The following UBASH3B variants were observed in gnomAD, a reference collection of about 807,000 sequenced individuals.
UBASH3B encodes ubiquitin-associated and SH3 domain-containing protein B.
UBASH3B carries 37 observed loss-of-function variants against 83.4 expected under a neutral mutation model. The observed-to-expected ratio is 0.44, with a 90% confidence interval of 0.34 to 0.58. UBASH3B has a LOEUF of 0.58. Among genes scored for constraint, UBASH3B ranks in the 20% least tolerant of loss-of-function variants. The probability of loss-of-function intolerance (pLI) is 0.01; values close to 1 mark genes in which losing one functional copy is unlikely to be tolerated. For synonymous variants in UBASH3B, 304 were observed against 318.3 expected (o/e 0.96, Z 0.48); for missense variants, 657 against 827.2 (o/e 0.79, Z 2.52).
At chr11:122,774,279 T>C in intron 1 of UBASH3B, 5 of 985,462 alleles carry the variant, frequency 5.1e-6, no homozygotes, top group Non-Finnish European at 6.0e-6. Context: ...TAGGCTTGCC[T>C]TTTACAGTGC....
In UBASH3B at chr11:122,812,390, AAAAG is replaced by A. The variant is rs1861465271; in HGVS notation, c.*2510_*2513del. Reference sequence around the variant, plus strand: ...AAATCATGTGGCATCTATGTATAATAAAAGAAAGAGACAACTATATTACTCAATT... The same window carrying A: ...AAATCATGTGGCATCTATGTATAATAAAAGAGACAACTATATTACTCAATT... On this transcript the variant is annotated 3_prime_UTR_variant, in exon 14 of 14. Coordinates refer to ENST00000284273, the MANE Select transcript of UBASH3B (RefSeq NM_032873.5). 1.3e-5 allele frequency: 2 copies of A among 152,236 alleles called. No homozygotes were observed. The highest frequency in any genetic ancestry group is 2.9e-5 in the Non-Finnish European group (2 of 68,038). 9.4% of individuals were successfully genotyped at this position (152,236 alleles called of 1,614,324 possible). A position where few individuals can be genotyped will look rare whatever the true frequency, so the allele number is the denominator to read the frequency against.
chr11:122,803,890 G>A (rs148177331), intron 11 of UBASH3B, among the ~76,000 whole-genome samples: 99 of 152,190 alleles, frequency 6.5e-4, no homozygotes, highest in African/African-American at 2.3e-3. Context: ...ACAGTACAGG[G>A]CCTGCAGGTG....
chr11:122,682,163 C>T lies in UBASH3B; in HGVS notation c.161+25953C>T, dbSNP rs1393274047. Among the ~76,000 whole-genome samples, 8 of 152,176 alleles carry T rather than the reference C, an allele frequency of 5.3e-5. No homozygotes were observed. In the South Asian group the frequency reaches 6.2e-4, roughly 12 times the overall value. ...CGTAGTACCCTGCCAACCCTGCCGA[C>T]GCACCATGAGGCCTTGGACAAATTG... On this transcript the variant is annotated intron_variant, in intron 1 of 13. Coordinates refer to ENST00000284273, the MANE Select transcript of UBASH3B (RefSeq NM_032873.5).
rs144242792 is a variant in UBASH3B at position 122,796,688 on chromosome 11, G to A, written c.1235-223G>A. ...AAAGTGCCTGGTTATTACCTTCACT[G>A]AGAAACTACCTCATGTCACTTTTGT... On this transcript the variant is annotated intron_variant, in intron 8 of 13. Coordinates refer to ENST00000284273, the MANE Select transcript of UBASH3B (RefSeq NM_032873.5). Among the ~76,000 whole-genome samples, 11 of 152,274 alleles carry A rather than the reference G, an allele frequency of 7.2e-5. No individual in the cohort carries two copies. The East Asian group carries it at 1.7e-3, about 24-fold the overall frequency.
At position 122,655,973 on chromosome 11, in the gene UBASH3B, G is replaced by C; in HGVS notation, c.-77G>C. On this transcript the variant is annotated 5_prime_UTR_variant, in exon 1 of 14. Transcript: ENST00000284273. ...TCTGGGTCCCCGAGCCCCCTCCCCT[G>C]GCCCAGCCCGACTCCCTCCTCCTTC... 15 of 1,311,348 alleles carry C rather than the reference G, an allele frequency of 1.1e-5. No individual in the cohort carries two copies. The highest frequency in any genetic ancestry group is 9.6e-5 in the South Asian group (5 of 52,114). 81.2% of individuals were successfully genotyped at this position (1,311,348 alleles called of 1,614,324 possible). A position where few individuals can be genotyped will look rare whatever the true frequency, so the allele number is the denominator to read the frequency against.
chr11:122,783,881 T>C (rs906072381), intron 5 of UBASH3B, among the ~76,000 whole-genome samples: 1 of 151,964 alleles, frequency 6.6e-6, no homozygotes, highest in African/African-American at 2.4e-5. Flanking sequence ...CACCCTTCCT[T>C]TGAGGGAATC....
At chr11:122,745,970 CTTTGT>C (rs1331386002) in intron 1 of UBASH3B, among the ~76,000 whole-genome samples, 1 of 152,230 alleles carries the variant, frequency 6.6e-6, no homozygotes, top group East Asian at 1.9e-4. Context: ...AGGCCAGAGA[CTTTGT>C]TTTGTCTATC....
At chr11:122,694,934 A>C (rs1359456105) in intron 1 of UBASH3B, among the ~76,000 whole-genome samples, 3 of 50,468 alleles carry the variant, frequency 5.9e-5, no homozygotes, top group Non-Finnish European at 4.3e-5. Flanking sequence ...TATTTTATTT[A>C]TTTTTCTTTT....
At chr11:122,703,862 A>G (rs1380365108) in intron 1 of UBASH3B, among the ~76,000 whole-genome samples, 1 of 152,234 alleles carries the variant, frequency 6.6e-6, no homozygotes, top group East Asian at 1.9e-4. Flanking sequence ...AGGTGATGGC[A>G]TAAGCCGGGG....
At chr11:122,712,338 G>A (rs897211168) in intron 1 of UBASH3B, among the ~76,000 whole-genome samples, 3 of 152,172 alleles carry the variant, frequency 2.0e-5, no homozygotes, top group Non-Finnish European at 2.9e-5. Context: ...TGAAGCTCCA[G>A]CATGAGGAGG....
intron 1 of UBASH3B, among the ~76,000 whole-genome samples, chr11:122,709,942 A>C (rs527731049): frequency 9.1e-4 from 138 of 152,226 alleles, no homozygotes; most frequent in African/African-American, 3.2e-3. Context: ...AGATCACTTG[A>C]GGCCAGGAGT....
At chr11:122,679,120 A>C (rs142277466) in intron 1 of UBASH3B, among the ~76,000 whole-genome samples, 155 of 152,244 alleles carry the variant, frequency 1.0e-3, no homozygotes, top group Middle Eastern at 3.4e-3. Context: ...GATCCACTCT[A>C]AGGAGGTGCC....
intron 1 of UBASH3B, among the ~76,000 whole-genome samples, chr11:122,755,261 A>G (rs1049462517): frequency 1.3e-5 from 2 of 152,304 alleles, no homozygotes; most frequent in South Asian, 4.1e-4. Flanking sequence ...CATGAGCACA[A>G]GGACGTGCAG....
At chr11:122,692,217 CA>C (rs1863905986) in intron 1 of UBASH3B, among the ~76,000 whole-genome samples, 1 of 152,082 alleles carries the variant, frequency 6.6e-6, no homozygotes, top group Non-Finnish European at 1.5e-5. Context: ...CCATATAAGT[CA>C]GCAATAAATT....
chr11:122,681,734 A>G (rs1205747136), intron 1 of UBASH3B, among the ~76,000 whole-genome samples: 1 of 152,080 alleles, frequency 6.6e-6, no homozygotes, highest in Non-Finnish European at 1.5e-5. Context: ...ATGCAAACCC[A>G]CATGCTTACC....
At chr11:122,698,919 C>T (rs1226034348) in intron 1 of UBASH3B, among the ~76,000 whole-genome samples, 2 of 152,158 alleles carry the variant, frequency 1.3e-5, no homozygotes, top group African/African-American at 2.4e-5. Flanking sequence ...GTTGCGATCT[C>T]GGCTCGCTGC....
intron 1 of UBASH3B, among the ~76,000 whole-genome samples, chr11:122,772,609 G>A (rs1051335349): frequency 2.6e-5 from 4 of 152,184 alleles, no homozygotes; most frequent in African/African-American, 7.2e-5. Flanking sequence ...TCAAGGTCAT[G>A]AGAGATATCT....
In UBASH3B at chr11:122,800,330, G is replaced by C. The variant is rs184605807; in HGVS notation, c.1451-858G>C. Among the ~76,000 whole-genome samples the C allele has an allele frequency of 2.3e-3, 335 of 147,960 alleles. 2 individuals are homozygous for C. Among genetic ancestry groups the C allele is most frequent in the Non-Finnish European group, 3.0e-3 (201 of 67,346 alleles). Reference sequence around the variant, plus strand: ...CGAGGCGGGCGGTTCACGAGGTCAGGAGATCGAGACCATCCTGGCTCACAC... The same window carrying C: ...CGAGGCGGGCGGTTCACGAGGTCAGCAGATCGAGACCATCCTGGCTCACAC... On this transcript the variant is annotated intron_variant, in intron 10 of 13. Coordinates refer to ENST00000284273, the MANE Select transcript of UBASH3B (RefSeq NM_032873.5).
intron 4 of UBASH3B, 114 bp downstream of exon 4, chr11:122,779,809 C>G: frequency 7.9e-7 from 1 of 1,266,640 alleles, no homozygotes; most frequent in South Asian, 1.3e-5. Context: ...GTGGAGGACC[C>G]TGCAGGAATG....
Sources: allele counts gnomAD v4.1 joint callset (sites outside exome capture counted in the v4.1 genomes callset), GRCh38; gene constraint gnomAD v4.1.1; transcripts MANE v1.5; gene names NCBI Gene and HGNC (gene_info 2026-07-23, HGNC 2026-07-21).